LRRTM4: variants seen among roughly 807,000 people sequenced by gnomAD.
LRRTM4 encodes leucine-rich repeat transmembrane neuronal protein 4.
In LRRTM4, 25 loss-of-function variants were observed where a neutral mutation model predicts 47.6. The ratio of observed to expected loss-of-function variants is 0.53; its 90% CI spans 0.38 to 0.73. The LOEUF is 0.73. LRRTM4 is among the 30% of genes least tolerant of loss of function. LRRTM4 has a pLI of 0.00. For synonymous variants in LRRTM4, 311 were observed against 269.5 expected (o/e 1.15, Z -1.51); for missense variants, 638 against 713.4 (o/e 0.89, Z 1.20).
intron 3 of LRRTM4, among the ~76,000 whole-genome samples, chr2:77,077,513 C>T (rs1209366130): frequency 6.6e-6 from 1 of 152,058 alleles, no homozygotes; most frequent in Non-Finnish European, 1.5e-5. Flanking sequence ...ATTTAAAAGT[C>T]ATTAGAACTG....
chr2:76,899,352 C>CACAT (rs1491331702), intron 3 of LRRTM4, among the ~76,000 whole-genome samples: 13 of 96,500 alleles, frequency 1.3e-4, no homozygotes, highest in Admixed American at 4.7e-4. Flanking sequence ...CACACACACA[C>CACAT]ATATATATAT....
intron 3 of LRRTM4, among the ~76,000 whole-genome samples, chr2:77,159,780 T>C (rs747761160): frequency 1.1e-4 from 16 of 151,726 alleles, no homozygotes; most frequent in Non-Finnish European, 1.6e-4. Context: ...TCATGATTTC[T>C]GTATGACTTT....
chr2:76,947,839 C>T (rs982051349), intron 3 of LRRTM4, among the ~76,000 whole-genome samples: 3 of 151,740 alleles, frequency 2.0e-5, no homozygotes, highest in African/African-American at 7.2e-5. Flanking sequence ...AGGGAATAGG[C>T]ACATTTACAG....
At chr2:77,348,884 T>G (rs1237948668) in intron 3 of LRRTM4, among the ~76,000 whole-genome samples, 2 of 151,622 alleles carry the variant, frequency 1.3e-5, no homozygotes, top group African/African-American at 4.8e-5. Flanking sequence ...CATCAACAAA[T>G]TAATGAGAAA....
intron 3 of LRRTM4, among the ~76,000 whole-genome samples, chr2:77,166,707 A>G (rs951831935): frequency 1.3e-5 from 2 of 152,208 alleles, no homozygotes; most frequent in Non-Finnish European, 2.9e-5. Context: ...CAATGGGGAA[A>G]TGATTCCCTA....
intron 3 of LRRTM4, among the ~76,000 whole-genome samples, chr2:77,091,102 G>T (rs1379352285): frequency 6.6e-6 from 1 of 151,812 alleles, no homozygotes; most frequent in Non-Finnish European, 1.5e-5. Flanking sequence ...CTCCTTTTTA[G>T]TTATCCCCAC....
chr2:77,375,941 T>TC lies in LRRTM4; in HGVS notation c.1551+142376dup, dbSNP rs373716911. Among the ~76,000 whole-genome samples, 145 of 151,908 alleles carry TC rather than the reference T, an allele frequency of 9.5e-4. 1 individual carries two copies. The highest frequency in any genetic ancestry group is 3.3e-3 in the African/African-American group (137 of 41,534). Reference sequence around the variant, plus strand: ...ATTCCCCATTTCCCCTTTCCCTAAATCCTGGCAACCACCATTCTCTCTGCT... The same window carrying TC: ...ATTCCCCATTTCCCCTTTCCCTAAATCCCTGGCAACCACCATTCTCTCTGCT... On this transcript the variant is annotated intron_variant, in intron 3 of 3. Coordinates refer to ENST00000409884, the MANE Select transcript of LRRTM4 (RefSeq NM_001134745.3).
chr2:77,369,115 T>C (rs2103764457), intron 3 of LRRTM4, among the ~76,000 whole-genome samples: 3 of 151,900 alleles, frequency 2.0e-5, no homozygotes, highest in East Asian at 3.9e-4. Context: ...CCTTTTTATG[T>C]ACCTGTTGGC....
chr2:77,436,932 T>C (rs972734231), intron 3 of LRRTM4, among the ~76,000 whole-genome samples: 3 of 151,872 alleles, frequency 2.0e-5, no homozygotes, highest in Non-Finnish European at 4.4e-5. Context: ...AATATTTTTA[T>C]CACCCAAACA....
intron 3 of LRRTM4, among the ~76,000 whole-genome samples, chr2:76,801,683 CAG>C (rs1675695411): frequency 5.9e-5 from 9 of 151,634 alleles, no homozygotes; most frequent in African/African-American, 2.2e-4. Context: ...AAGAAAAGTA[CAG>C]GTTAACATCC....
chr2:76,862,658 C>T (rs1482885547), intron 3 of LRRTM4, among the ~76,000 whole-genome samples: 1 of 152,214 alleles, frequency 6.6e-6, no homozygotes, highest in Admixed American at 6.5e-5. Context: ...CACACAAACA[C>T]ACAGTGATAT....
At chr2:76,894,428 T>C (rs1345927746) in intron 3 of LRRTM4, among the ~76,000 whole-genome samples, 2 of 152,098 alleles carry the variant, frequency 1.3e-5, no homozygotes, top group Admixed American at 6.6e-5. Context: ...GGTTTCTAAA[T>C]TGACCAGTTT....
At chr2:77,113,181 C>T (rs947677829) in intron 3 of LRRTM4, among the ~76,000 whole-genome samples, 1 of 152,056 alleles carries the variant, frequency 6.6e-6, no homozygotes, top group Non-Finnish European at 1.5e-5. Flanking sequence ...AATTAGAATG[C>T]CATCAGCCCG....
chr2:76,951,203 C>T (rs1675481693), intron 3 of LRRTM4, among the ~76,000 whole-genome samples: 1 of 151,910 alleles, frequency 6.6e-6, no homozygotes, highest in Non-Finnish European at 1.5e-5. Flanking sequence ...AACAATAAAG[C>T]TGAAGTGATT....
chr2:77,326,588 G>T (rs981973223), intron 3 of LRRTM4, among the ~76,000 whole-genome samples: 1 of 151,964 alleles, frequency 6.6e-6, no homozygotes, highest in African/African-American at 2.4e-5. Flanking sequence ...TAGAGACAGG[G>T]TCTCTCTATT....
intron 3 of LRRTM4, among the ~76,000 whole-genome samples, chr2:76,932,972 A>G (rs1372538103): frequency 6.6e-6 from 1 of 152,138 alleles, no homozygotes; most frequent in Non-Finnish European, 1.5e-5. Context: ...TTAGGTATGA[A>G]ATGATAAACT....
At chr2:77,216,137 T>C (rs1209223414) in intron 3 of LRRTM4, among the ~76,000 whole-genome samples, 2 of 152,128 alleles carry the variant, frequency 1.3e-5, no homozygotes, top group African/African-American at 4.8e-5. Flanking sequence ...CTAGAAAATA[T>C]TTGTAAAGCA....
chr2:77,004,168 A>G (rs1373400158), intron 3 of LRRTM4, among the ~76,000 whole-genome samples: 4 of 152,214 alleles, frequency 2.6e-5, no homozygotes, highest in Non-Finnish European at 5.9e-5. Context: ...GAGAAATTCA[A>G]GCCTTCAGCA....
intron 3 of LRRTM4, among the ~76,000 whole-genome samples, chr2:77,215,085 T>C (rs1187545927): frequency 2.6e-5 from 4 of 152,200 alleles, no homozygotes; most frequent in Non-Finnish European, 5.9e-5. Flanking sequence ...CAATTTTTGA[T>C]GGCTGTTACT....
Sources: gnomAD v4.1 joint callset for allele counts (sites outside exome capture counted in the v4.1 genomes callset) on GRCh38, gnomAD v4.1.1 for gene constraint, MANE v1.5 for transcripts, NCBI Gene and HGNC (gene_info 2026-07-23, HGNC 2026-07-21) for gene names.